Variants in PYGO1 observed in about 807,000 individuals in gnomAD.
PYGO1 encodes the protein pygopus family PHD finger 1.
A neutral mutation model predicts 29.5 loss-of-function variants in PYGO1; 6 were observed. That is an observed-to-expected ratio of 0.20 (90% confidence interval 0.11 to 0.40). The LOEUF is 0.40. Among genes scored for constraint, PYGO1 ranks in the 10% least tolerant of loss-of-function variants. The pLI is 1.00. For missense variants in PYGO1, 515 were observed against 514.9 expected (o/e 1.00, Z 0.00); for synonymous variants, 186 against 180.5 (o/e 1.03, Z -0.24).
At chr15:55,578,355 C>G (rs2059012591) in intron 1 of PYGO1, among the ~76,000 whole-genome samples, 2 of 151,668 alleles carry the variant, frequency 1.3e-5, no homozygotes, top group African/African-American at 4.8e-5. Flanking sequence ...AGCATGTTTT[C>G]AATCCTCTTG....
At chr15:55,563,716 G>A (rs941470322) in intron 1 of PYGO1, among the ~76,000 whole-genome samples, 1 of 152,104 alleles carries the variant, frequency 6.6e-6, no homozygotes, top group Non-Finnish European at 1.5e-5. Flanking sequence ...AGTGTACACT[G>A]TACCCGACGT....
chr15:55,571,383 T>C (rs2058979384), intron 1 of PYGO1, among the ~76,000 whole-genome samples: 1 of 152,162 alleles, frequency 6.6e-6, no homozygotes, highest in African/African-American at 2.4e-5. Context: ...TACACAGAAG[T>C]GAAATTGTTG....
rs2058850267 is a variant in PYGO1, at chr15:55,546,349, C to T, written c.934G>A (p.Gly312Ser). 6.2e-7 allele frequency: 1 copy of T among 1,614,158 alleles called. No homozygotes were observed. The highest frequency in any genetic ancestry group is 1.7e-5 in the Admixed American group (1 of 60,016). The change falls in exon 3 of 3, where the codon GGT (glycine) becomes AGT (serine). Residue 312 changes from glycine to serine, a missense_variant. Transcript: ENST00000563719. Reference protein sequence around the residue: ...GTQNKPRQPRGAADACTTEKS... With the variant: ...GTQNKPRQPRSAADACTTEKS... The stretch of plus-strand genomic sequence containing the variant: ...TCTGTGGTGCAGGCATCTGCTGCAC[C>T]TCTTGGTTGTCGTGGCTTATTCTGC...
intron 1 of PYGO1, among the ~76,000 whole-genome samples, chr15:55,578,613 A>C (rs2059013712): frequency 6.6e-6 from 1 of 152,192 alleles, no homozygotes; most frequent in African/African-American, 2.4e-5. Flanking sequence ...TAATGATGCC[A>C]AGCATCTTTT....
intron 1 of PYGO1, among the ~76,000 whole-genome samples, chr15:55,572,133 A>G (rs1338794020): frequency 6.6e-6 from 1 of 152,246 alleles, no homozygotes; most frequent in East Asian, 1.9e-4. Context: ...TTGACAAACA[A>G]GTGAACAAAA....
Position 55,542,948 on chromosome 15 carries a change from A to G in PYGO1, c.*3075T>C, listed in dbSNP as rs2058833998. 1.1e-5 allele frequency: 1 copy of G among 89,978 alleles called. No homozygotes were observed. Among genetic ancestry groups the G allele is most frequent in the Non-Finnish European group, 2.9e-5 (1 of 34,182 alleles). The allele number at this position is 89,978 out of a possible 1,614,324, so 5.6% of individuals were successfully genotyped here. A position where few individuals can be genotyped will look rare whatever the true frequency, so the allele number is the denominator to read the frequency against. The stretch of plus-strand genomic sequence containing the variant: ...GCAAAAAACAAAAACAAAACAAAAC[A>G]AAACAAAAAAAACAAAAAAAAACCC... On this transcript the variant is annotated 3_prime_UTR_variant, in exon 3 of 3. Coordinates refer to ENST00000563719, the MANE Select transcript of PYGO1 (RefSeq NM_001367806.1).
intron 1 of PYGO1, among the ~76,000 whole-genome samples, chr15:55,568,272 C>T (rs750663791): frequency 2.7e-5 from 4 of 149,788 alleles, no homozygotes; most frequent in Non-Finnish European, 5.9e-5. Flanking sequence ...TTTTAGTTCT[C>T]CTTGTAGAGA....
Position 55,540,532 on chromosome 15 carries a change from C to G in PYGO1, c.*5491G>C, listed in dbSNP as rs2058824541. ...CATGAGTTGGTAACACTAAAATTTA[C>G]TCCTCTCCCATTTGAAAGACATCAG... On this transcript the variant is annotated 3_prime_UTR_variant, in exon 3 of 3. Transcript: ENST00000563719. 6.6e-6 allele frequency: 1 copy of G among 152,048 alleles called. No individual in the cohort carries two copies. Among genetic ancestry groups the G allele is most frequent in the Non-Finnish European group, 1.5e-5 (1 of 67,946 alleles). The allele number at this position is 152,048 out of a possible 1,614,324, so 9.4% of individuals were successfully genotyped here.
Position 55,587,978 on chromosome 15 carries a change from G to GT in PYGO1, c.-96_-95insA. ...TCCTCCTCCTCGCGGGGCCGCTGCGGCTGCGAGGCAAGCCTCGGAGCCGAG... is the reference window on the plus strand; with the variant it reads ...TCCTCCTCCTCGCGGGGCCGCTGCGGTCTGCGAGGCAAGCCTCGGAGCCGAG... On this transcript the variant is annotated 5_prime_UTR_variant, in exon 1 of 3. Transcript: ENST00000563719. 7.1e-7 allele frequency: 1 copy of GT among 1,418,048 alleles called. No individual in the cohort carries two copies. Among genetic ancestry groups the GT allele is most frequent in the Non-Finnish European group, 9.3e-7 (1 of 1,079,986 alleles). 87.8% of individuals were successfully genotyped at this position (1,418,048 alleles called of 1,614,324 possible).
At chr15:55,565,588 A>C (rs2058952400) in intron 1 of PYGO1, among the ~76,000 whole-genome samples, 1 of 151,612 alleles carries the variant, frequency 6.6e-6, no homozygotes, top group African/African-American at 2.4e-5. Flanking sequence ...GGTAGCGGGC[A>C]CCTGTAGTCC....
In PYGO1 at chr15:55,539,588, G is replaced by A. The variant is rs1356637531; in HGVS notation, c.*6435C>T. 14 of 151,938 alleles carry A rather than the reference G, an allele frequency of 9.2e-5. No homozygotes were observed. The East Asian group carries it at 2.7e-3, about 29-fold the overall frequency. The allele number at this position is 151,938 out of a possible 1,614,324, so 9.4% of individuals were successfully genotyped here. A position where few individuals can be genotyped will look rare whatever the true frequency, so the allele number is the denominator to read the frequency against. ...TTCTAAAAGAATGTATGTGAAAATA[G>A]CAGACAAAAATAAATCCCTAACATG... On this transcript the variant is annotated 3_prime_UTR_variant, in exon 3 of 3. Transcript: ENST00000563719.
At chr15:55,569,385 T>C (rs1363872891) in intron 1 of PYGO1, among the ~76,000 whole-genome samples, 2 of 152,222 alleles carry the variant, frequency 1.3e-5, no homozygotes, top group African/African-American at 2.4e-5. Flanking sequence ...GATCATTAAT[T>C]TGAGATCTTT....
intron 1 of PYGO1, among the ~76,000 whole-genome samples, chr15:55,553,420 G>A (rs1383382022): frequency 6.6e-6 from 1 of 150,486 alleles, no homozygotes. Context: ...TTTTTAAGAA[G>A]GAGTTTCGCT....
chr15:55,587,935 T>G lies in PYGO1; in HGVS notation c.-52A>C, dbSNP rs1365695090. The G allele has an allele frequency of 4.1e-6, 6 of 1,454,174 alleles. No homozygotes were observed. The highest frequency in any genetic ancestry group is 1.5e-5 in the African/African-American group (1 of 68,322). The allele number at this position is 1,454,174 out of a possible 1,614,324, so 90.1% of individuals were successfully genotyped here. A position where few individuals can be genotyped will look rare whatever the true frequency, so the allele number is the denominator to read the frequency against. ...CCAGGCCGCGGGAATTCGGTCTCTT[T>G]GATGCTGCGGCGGCGGCTCCTCCTC... is the stretch of plus-strand genomic sequence containing the variant. On this transcript the variant is annotated 5_prime_UTR_variant, in exon 1 of 3. Transcript: ENST00000563719.
chr15:55,587,869 C>T lies in PYGO1; in HGVS notation c.15G>A (p.Gln5=). The T allele has an allele frequency of 6.7e-7, 1 of 1,496,474 alleles. No homozygotes were observed. Among genetic ancestry groups the T allele is most frequent in the Non-Finnish European group, 8.9e-7 (1 of 1,125,848 alleles). 92.7% of individuals were successfully genotyped at this position (1,496,474 alleles called of 1,614,324 possible). Reference sequence around the variant, plus strand: ...TCTTCAGCGAAATGGGATCCTTCTCCTGTTCTGCTGACATTACAGACCGCA... The same window carrying T: ...TCTTCAGCGAAATGGGATCCTTCTCTTGTTCTGCTGACATTACAGACCGCA... The part of the protein sequence containing the change: MSAE[Q]EKDPISLKRV... Residue 5 remains glutamine (Q), a synonymous_variant, in exon 1 of 3, where the codon CAG becomes CAA. Transcript: ENST00000563719.
At chr15:55,587,738 G>GCCCGGACAGAGC in intron 1 of PYGO1, 97 bp downstream of exon 1, 1 of 1,368,998 alleles carries the variant, frequency 7.3e-7, no homozygotes, top group Non-Finnish European at 9.5e-7. Context: ...GCGGACTTAG[G>GCCCGGACAGAGC]CCCGGACAGA....
chr15:55,579,931 A>C (rs2141676564), intron 1 of PYGO1, among the ~76,000 whole-genome samples: 1 of 152,284 alleles, frequency 6.6e-6, no homozygotes, highest in East Asian at 1.9e-4. Flanking sequence ...TATGGTATTA[A>C]TTTTATATTT....
In PYGO1 at chr15:55,541,250, G is replaced by A. The variant is rs144410334; in HGVS notation, c.*4773C>T. On this transcript the variant is annotated 3_prime_UTR_variant, in exon 3 of 3. Transcript: ENST00000563719. The stretch of plus-strand genomic sequence containing the variant: ...TATCCCTAGCCTCTTTGCTCCAGGG[G>A]TGCTTCCAAATTCCCATCACTGTAC... 1 of 152,278 alleles carries A rather than the reference G, an allele frequency of 6.6e-6. No homozygotes were observed. The highest frequency in any genetic ancestry group is 2.4e-5 in the African/African-American group (1 of 41,562). 9.4% of individuals were successfully genotyped at this position (152,278 alleles called of 1,614,324 possible). A position where few individuals can be genotyped will look rare whatever the true frequency, so the allele number is the denominator to read the frequency against.
At chr15:55,562,440 G>C (rs1288803328) in intron 1 of PYGO1, among the ~76,000 whole-genome samples, 1 of 152,220 alleles carries the variant, frequency 6.6e-6, no homozygotes, top group Non-Finnish European at 1.5e-5. Flanking sequence ...GGGAGGCTGA[G>C]GTGGGCAGAT....
Sources: gnomAD v4.1 joint callset for allele counts (sites outside exome capture counted in the v4.1 genomes callset) on GRCh38, gnomAD v4.1.1 for gene constraint, MANE v1.5 for transcripts, NCBI Gene and HGNC (gene_info 2026-07-23, HGNC 2026-07-21) for gene names.